The following DNMT1 variants were observed in gnomAD, a reference collection of about 807,000 sequenced individuals.
The protein encoded by DNMT1 is DNA methyltransferase 1.
A neutral mutation model predicts 205.3 loss-of-function variants in DNMT1; 24 were observed. The ratio of observed to expected loss-of-function variants is 0.12; its 90% confidence interval spans 0.08 to 0.16. DNMT1 has a LOEUF of 0.16. Ranked by LOEUF, DNMT1 falls within the 10% of genes least tolerant of loss-of-function variation. The pLI, the probability that DNMT1 is intolerant of heterozygous loss-of-function variation, is 1.00. For synonymous variants in DNMT1, 817 were observed against 839.8 expected, an observed-to-expected ratio of 0.97 and a Z score of 0.47; for missense variants, 1,293 against 2,177.7, an observed-to-expected ratio of 0.59 and a Z score of 8.09.
Position 10,137,477 on chromosome 19 carries a change from C to T in DNMT1, c.4294-197G>A, listed in dbSNP as rs1486149578. ...CTGAGGCAGCGCAGGTGTAGGAGAG[C>T]GTGGGAATCTAAGCTGAGCCTTTAG... On this transcript the variant is annotated intron_variant, in intron 36 of 40. Coordinates refer to ENST00000359526, the MANE Select transcript of DNMT1 (RefSeq NM_001130823.3). The surrounding 1 kb of genome is among the most constrained non-coding windows in gnomAD (Gnocchi z 6.4). 8.7e-6 allele frequency: 6 copies of T among 689,974 alleles called. No individual in the cohort carries two copies. In the East Asian group the frequency reaches 1.1e-4, roughly 12 times the overall value. The allele number at this position is 689,974 out of a possible 1,614,324, so 42.7% of individuals were successfully genotyped here. A position where few individuals can be genotyped will look rare whatever the true frequency, so the allele number is the denominator to read the frequency against.
At chr19:10,148,838 T>C (rs2038264463) in intron 27 of DNMT1, 46 bp downstream of exon 27, 1 of 1,613,624 alleles carries the variant, frequency 6.2e-7, no homozygotes, top group Admixed American at 1.7e-5. Context: ...GGGAGTGATG[T>C]GGGCTGAAAG....
Position 10,140,734 on chromosome 19 carries a change from G to A in DNMT1, c.3523+47C>T, listed in dbSNP as rs368721700. 767 of 1,613,686 alleles carry A rather than the reference G, an allele frequency of 4.8e-4. 2 individuals are homozygous for A. Among genetic ancestry groups the A allele is most frequent in the Admixed American group, 2.1e-3 (127 of 60,012 alleles). On this transcript the variant is annotated intron_variant, in intron 32 of 40. Coordinates refer to ENST00000359526, the MANE Select transcript of DNMT1 (RefSeq NM_001130823.3). This position sits in a 1 kb window ranked among gnomAD's most constrained non-coding sequence, Gnocchi z 8.4. ...AAGTCGTTTCAGGTAGCACCTGCCC[G>A]GTCTGGGCTCACCAGGTATTCAGAG...
chr19:10,192,938 T>C (rs2145413192), intron 1 of DNMT1, among the ~76,000 whole-genome samples: 1 of 152,096 alleles, frequency 6.6e-6, no homozygotes, highest in East Asian at 1.9e-4. Context: ...TCCCAGCTAC[T>C]TCGGAGGCTG....
intron 9 of DNMT1, among the ~76,000 whole-genome samples, chr19:10,169,692 G>A (rs548311492): frequency 6.6e-6 from 1 of 152,256 alleles, no homozygotes; most frequent in East Asian, 1.9e-4. Context: ...CGTGAACCTG[G>A]GAAGCGGAGC....
chr19:10,182,995 A>C (rs986746203), intron 1 of DNMT1, among the ~76,000 whole-genome samples: 1 of 150,486 alleles, frequency 6.6e-6, no homozygotes, highest in Admixed American at 6.7e-5. Context: ...ATATATATAC[A>C]CGTATATGTG....
intron 26 of DNMT1, 59 bp from the exon 27 acceptor site, chr19:10,149,076 C>A: frequency 6.2e-7 from 1 of 1,605,840 alleles, no homozygotes; most frequent in Non-Finnish European, 8.5e-7. Context: ...GTATTCCCAG[C>A]ACTATGGGAG....
rs1004025205 is a variant in DNMT1, at chr19:10,137,874, C to G, written c.4251G>C (p.Arg1417=). 6.2e-7 allele frequency: 1 copy of G among 1,613,546 alleles called. No individual in the cohort carries two copies. Among genetic ancestry groups the G allele is most frequent in the Non-Finnish European group, 8.5e-7 (1 of 1,179,928 alleles). Residue 1417 remains arginine, a synonymous_variant, in exon 36 of 41, where the codon CGG becomes CGC. Transcript: ENST00000359526. This position sits in a 1 kb window ranked among gnomAD's most constrained non-coding sequence, Gnocchi z 6.4. ...EPQSWFQRQL[R]GAQYQPILRD... ...TGAGGATGGGCTGGTACTGTGCGCC[C>G]CGGAGCTGCCTCTGGAACCAGGACT...
chr19:10,154,540 C>T lies in DNMT1; in HGVS notation c.1832+46G>A, dbSNP rs2038415769. ...ACAGAGGATGTGGGCCATGCTCTAC[C>T]CTCCCCGGTCTCCAGTCTTCACTCT... On this transcript the variant is annotated intron_variant, in intron 21 of 40. Coordinates refer to ENST00000359526, the MANE Select transcript of DNMT1 (RefSeq NM_001130823.3). The surrounding 1 kb of genome is among the most constrained non-coding windows in gnomAD (Gnocchi z 6.3). 6.2e-7 allele frequency: 1 copy of T among 1,613,918 alleles called. No individual in the cohort carries two copies. Among genetic ancestry groups the T allele is most frequent in the African/African-American group, 1.3e-5 (1 of 74,898 alleles).
chr19:10,148,922 G>C lies in DNMT1; in HGVS notation c.2682C>G (p.Ser894=). 1.2e-6 allele frequency: 2 copies of C among 1,614,156 alleles called. No individual in the cohort carries two copies. Among genetic ancestry groups the C allele is most frequent in the Non-Finnish European group, 1.7e-6 (2 of 1,180,026 alleles). ...CCTCTGTTGGCTGGGTTTTTGGAGGGGACTCGAATCTCGCGTAGTCTTGAT... is the reference window on the plus strand; with the variant it reads ...CCTCTGTTGGCTGGGTTTTTGGAGGCGACTCGAATCTCGCGTAGTCTTGAT... ...WYDQDYARFE[S]PPKTQPTEDN... Residue 894 remains serine, a synonymous_variant, in exon 27 of 41, where the codon TCC becomes TCG. Coordinates refer to ENST00000359526, the MANE Select transcript of DNMT1 (RefSeq NM_001130823.3).
Position 10,142,428 on chromosome 19 carries a change from C to G in DNMT1, c.3117-208G>C, listed in dbSNP as rs189079241. ...TGGGGAACTGCAAGGTAGACTCCCC[C>G]CCATTTAGGGAACTGCAGGGTAAAG... On this transcript the variant is annotated intron_variant, in intron 29 of 40. Coordinates refer to ENST00000359526, the MANE Select transcript of DNMT1 (RefSeq NM_001130823.3). Among the ~76,000 whole-genome samples, 3 of 150,084 alleles carry G rather than the reference C, an allele frequency of 2.0e-5. No homozygotes were observed. In the South Asian group the frequency reaches 6.3e-4, roughly 32 times the overall value.
At chr19:10,136,716 G>A (rs2089489619) in intron 37 of DNMT1, among the ~76,000 whole-genome samples, 2 of 151,808 alleles carry the variant, frequency 1.3e-5, no homozygotes, top group South Asian at 2.1e-4. Flanking sequence ...GATTACAGAG[G>A]TGAGCCATCG....
Position 10,175,070 on chromosome 19 carries a change from AATAC to A in DNMT1, c.648+466_648+469del, listed in dbSNP as rs1250252287. On this transcript the variant is annotated intron_variant, in intron 7 of 40. Coordinates refer to ENST00000359526, the MANE Select transcript of DNMT1 (RefSeq NM_001130823.3). ...AAAAAGTCTCAAAAAAAGAAGTCTA[AATAC>A]ATACATACATACACACACACACACA... Among the ~76,000 whole-genome samples, 688 of 125,590 alleles carry A rather than the reference AATAC, an allele frequency of 5.5e-3. 8 individuals carry two copies. Among genetic ancestry groups the A allele is most frequent in the Middle Eastern group, 0.018 (5 of 272 alleles). 82.4% of individuals were successfully genotyped at this position (125,590 alleles called of 152,430 possible). A position where few individuals can be genotyped will look rare whatever the true frequency, so the allele number is the denominator to read the frequency against.
At position 10,159,615 on chromosome 19, in the gene DNMT1, G is replaced by A. The variant is rs4804491; in HGVS notation, c.1280+43C>T. 4 of 1,596,842 alleles carry A rather than the reference G, an allele frequency of 2.5e-6. No individual in the cohort carries two copies. In the South Asian group the frequency reaches 4.4e-5, roughly 18 times the overall value. Reference sequence around the variant, plus strand: ...AGCCCGCAGGCACCTCTGGGGATGTGCCTCCTTCCACGAAGCAAACATGCA... The same window carrying A: ...AGCCCGCAGGCACCTCTGGGGATGTACCTCCTTCCACGAAGCAAACATGCA... On this transcript the variant is annotated intron_variant, in intron 17 of 40. Coordinates refer to ENST00000359526, the MANE Select transcript of DNMT1 (RefSeq NM_001130823.3). This position sits in a 1 kb window ranked among gnomAD's most constrained non-coding sequence, Gnocchi z 5.0.
intron 9 of DNMT1, among the ~76,000 whole-genome samples, chr19:10,170,047 G>A (rs1042892155): frequency 1.3e-5 from 2 of 152,178 alleles, no homozygotes; most frequent in African/African-American, 2.4e-5. Context: ...GACTTTGGGA[G>A]GCTGAGGTGG....
chr19:10,151,310 C>A lies in DNMT1; in HGVS notation c.2265+88G>T. ...TTTCTTAGTGCCGGGGCTCAGGCTG[C>A]CTGAGAGGTCAGGTTGGCGAGATAC... On this transcript the variant is annotated intron_variant, in intron 24 of 40. Transcript: ENST00000359526. This position sits in a 1 kb window ranked among gnomAD's most constrained non-coding sequence, Gnocchi z 5.0. 4 of 1,585,002 alleles carry A rather than the reference C, an allele frequency of 2.5e-6. No homozygotes were observed. The highest frequency in any genetic ancestry group is 3.4e-6 in the Non-Finnish European group (4 of 1,168,294).
chr19:10,134,167 C>G (rs745333646), intron 40 of DNMT1, 50 bp downstream of exon 40: 1 of 1,605,212 alleles, frequency 6.2e-7, no homozygotes, highest in Admixed American at 1.7e-5. Flanking sequence ...CCACATGTAC[C>G]CCCAGAGGGC....
Position 10,151,518 on chromosome 19 carries a change from T to G in DNMT1, c.2145A>C (p.Ala715=). ...RRCPNMAMKE[A]DDDEEVDDNI... is the part of the protein sequence containing the mutation. ...TATCATCGACTTCCTCATCGTCATCTGCCTCCTTCATGGCCATATTGGGAC... is the reference window on the plus strand; with the variant it reads ...TATCATCGACTTCCTCATCGTCATCGGCCTCCTTCATGGCCATATTGGGAC... The change falls in exon 24 of 41, where the codon GCA becomes GCC. Residue 715 remains alanine, a synonymous_variant. Coordinates refer to ENST00000359526, the MANE Select transcript of DNMT1 (RefSeq NM_001130823.3). The surrounding 1 kb of genome is among the most constrained non-coding windows in gnomAD (Gnocchi z 5.0). The G allele has an allele frequency of 1.2e-6, 2 of 1,614,106 alleles. No individual in the cohort carries two copies. Among genetic ancestry groups the G allele is most frequent in the South Asian group, 1.1e-5 (1 of 91,092 alleles).
In DNMT1 at chr19:10,134,316, G is replaced by T; in HGVS notation, c.4774-9C>A. 1 of 1,613,652 alleles carries T rather than the reference G, an allele frequency of 6.2e-7. No individual in the cohort carries two copies. Among genetic ancestry groups the T allele is most frequent in the Non-Finnish European group, 8.5e-7 (1 of 1,179,810 alleles). On this transcript the variant is annotated splice_polypyrimidine_tract_variant and intron_variant, in intron 39 of 40. Transcript: ENST00000359526. ...GGCACGGCATTGCCCACCTGCAGGA[G>T]GGGAGAAGGGCAATGCCTGATGTGG...
In DNMT1 at chr19:10,160,038, T is replaced by C. The variant is rs758106190; in HGVS notation, c.1069A>G (p.Lys357Glu). ...TTTACCTTGGAGTTCATGACTGTTT[T>C]GGCGCGAGCCATTTTTTTCTCCGTT... is the stretch of plus-strand genomic sequence containing the variant. ...EPTEKKMARA[K>E]TVMNSKTHPP... Residue 357 changes from lysine to glutamate, a missense_variant, in exon 15 of 41, where the codon AAA becomes GAA. Around this residue, in one of 13 missense-constraint regions of DNMT1, gnomAD observed 394 missense variants for 451.6 expected, o/e 0.87. Transcript: ENST00000359526. The C allele has an allele frequency of 8.7e-6, 14 of 1,611,766 alleles. No individual in the cohort carries two copies. Among genetic ancestry groups the C allele is most frequent in the Non-Finnish European group, 1.1e-5 (13 of 1,179,758 alleles).
Sources: gnomAD v4.1 joint callset for allele counts (sites outside exome capture counted in the v4.1 genomes callset) on GRCh38, gnomAD v4.1.1 for gene constraint, gnomAD v4.1.1 regional missense constraint, Gnocchi (gnomAD v3.1) non-coding constraint, MANE v1.5 for transcripts, NCBI Gene and HGNC (gene_info 2026-07-23, HGNC 2026-07-21) for gene names.